ADD1: variants seen among roughly 807,000 people sequenced by gnomAD.
The protein encoded by ADD1 is alpha-adducin.
ADD1 carries 24 observed loss-of-function variants against 80.5 expected under a neutral mutation model. That is an observed-to-expected ratio of 0.30 (90% CI 0.22 to 0.42). ADD1 has a LOEUF of 0.42. ADD1 is among the 10% of genes least tolerant of loss of function. ADD1 has a pLI of 1.00. For synonymous variants in ADD1, 373 were observed against 393.8 expected, an observed-to-expected ratio of 0.95 and a Z score of 0.63; for missense variants, 948 against 1,019.0, an observed-to-expected ratio of 0.93 and a Z score of 0.95.
chr4:2,863,638 C>G (rs1293391526), intron 1 of ADD1, among the ~76,000 whole-genome samples: 1 of 152,176 alleles, frequency 6.6e-6, no homozygotes, highest in Non-Finnish European at 1.5e-5. Flanking sequence ...TGTCTGCTGT[C>G]TGCCAAACAC....
At position 2,856,974 on chromosome 4, in the gene ADD1, G is replaced by A. The variant is rs191297990; in HGVS notation, c.-21+12950G>A. Reference sequence around the variant, plus strand: ...GTCGCCCAGGCTGGAGTGCAGTGGCGGCATCTCAGCTCACTGCAACCTCCA... The same window carrying A: ...GTCGCCCAGGCTGGAGTGCAGTGGCAGCATCTCAGCTCACTGCAACCTCCA... On this transcript the variant is annotated intron_variant, in intron 1 of 15. Coordinates refer to ENST00000683351, the MANE Select transcript of ADD1 (RefSeq NM_001354761.2). Among the ~76,000 whole-genome samples, 549 of 147,936 alleles carry A rather than the reference G, an allele frequency of 3.7e-3. 3 individuals carry two copies. Among genetic ancestry groups the A allele is most frequent in the African/African-American group, 0.013 (526 of 40,040 alleles).
In ADD1 at chr4:2,907,810, C is replaced by T; in HGVS notation, c.1574C>T (p.Thr525Ile). Residue 525 changes from threonine (T) to isoleucine (I), a missense_variant, in exon 11 of 16, where the codon ACT becomes ATT. Thr to Ile is a moderately conservative substitution (Grantham distance 89). Coordinates refer to ENST00000683351, the MANE Select transcript of ADD1 (RefSeq NM_001354761.2). ...AVPNLFVPLNTNPKEVQEMRN... is the reference protein window; with the variant it reads ...AVPNLFVPLNINPKEVQEMRN... ...CCTAACCTGTTTGTTCCATTGAACA[C>T]TAACCCAAAAGAGGTCCAGGAGATG... 6.2e-7 allele frequency: 1 copy of T among 1,614,104 alleles called. No individual in the cohort carries two copies. The highest frequency in any genetic ancestry group is 8.5e-7 in the Non-Finnish European group (1 of 1,180,010).
rs1735797661 is a variant in ADD1, at chr4:2,899,392, G to T, written c.1118G>T (p.Gly373Val). ...GTGSPPKWQI[G>V]EQEFEALMRM... ...GGATCGCCTCCCAAGTGGCAGATTGGTGAGCAGGAATTTGAAGCCCTCATG... is the reference window on the plus strand; with the variant it reads ...GGATCGCCTCCCAAGTGGCAGATTGTTGAGCAGGAATTTGAAGCCCTCATG... Residue 373 changes from glycine (G) to valine (V), a missense_variant, in exon 9 of 16, where the codon GGT becomes GTT. Gly to Val is a moderately radical substitution (Grantham distance 109). Coordinates refer to ENST00000683351, the MANE Select transcript of ADD1 (RefSeq NM_001354761.2). The T allele has an allele frequency of 6.2e-7, 1 of 1,614,116 alleles. No individual in the cohort carries two copies. Among genetic ancestry groups the T allele is most frequent in the Non-Finnish European group, 8.5e-7 (1 of 1,180,052 alleles).
intron 13 of ADD1, among the ~76,000 whole-genome samples, chr4:2,914,058 CAA>C (rs775339952): frequency 7.5e-5 from 9 of 120,522 alleles, no homozygotes; most frequent in Admixed American, 8.5e-5. Context: ...GACTCCGTCT[CAA>C]AAAAAAAAAA....
intron 1 of ADD1, among the ~76,000 whole-genome samples, chr4:2,871,354 G>A (rs1342650504): frequency 6.6e-6 from 1 of 152,108 alleles, no homozygotes; most frequent in African/African-American, 2.4e-5. Context: ...GAACTGAAGG[G>A]GAAATATGAT....
chr4:2,898,128 T>TC (rs1177795346), intron 6 of ADD1, 56 bp from the exon 7 acceptor site: 1 of 1,548,058 alleles, frequency 6.5e-7, no homozygotes, highest in African/African-American at 1.4e-5. Flanking sequence ...TACCATATCA[T>TC]CAGTCATTGT....
At chr4:2,903,997 T>C (rs188470423) in intron 9 of ADD1, among the ~76,000 whole-genome samples, 1 of 152,340 alleles carries the variant, frequency 6.6e-6, no homozygotes. Flanking sequence ...TCATGAGGTA[T>C]ACTTACTTAC....
intron 1 of ADD1, among the ~76,000 whole-genome samples, chr4:2,860,557 A>G (rs1391338383): frequency 1.3e-5 from 2 of 152,208 alleles, no homozygotes; most frequent in African/African-American, 4.8e-5. Flanking sequence ...CCAAAATGTT[A>G]GATCTGGAAA....
In ADD1 at chr4:2,928,250, T is replaced by A; in HGVS notation, c.2127T>A (p.Asp709Glu). Residue 709 changes from aspartate to glutamate, a missense_variant, in exon 16 of 16, where the codon GAT (aspartate) becomes GAA (glutamate). Coordinates refer to ENST00000683351, the MANE Select transcript of ADD1 (RefSeq NM_001354761.2). ...FKPTLPDLSP[D>E]EPSEALGFPM... ...CAACTCTCCCCGATCTGTCCCCTGA[T>A]GAACCTTCAGAAGCACTCGGCTTCC... 2 of 1,614,092 alleles carry A rather than the reference T, an allele frequency of 1.2e-6. No homozygotes were observed. Among genetic ancestry groups the A allele is most frequent in the Non-Finnish European group, 1.7e-6 (2 of 1,180,010 alleles).
intron 14 of ADD1, among the ~76,000 whole-genome samples, chr4:2,918,527 G>A (rs186912772): frequency 2.9e-3 from 436 of 152,166 alleles, no homozygotes; most frequent in Non-Finnish European, 4.5e-3. Flanking sequence ...CCTGATTGCC[G>A]TGGCCAGAAC....
At chr4:2,919,785 C>T (rs548451846) in intron 14 of ADD1, among the ~76,000 whole-genome samples, 10 of 152,092 alleles carry the variant, frequency 6.6e-5, no homozygotes, top group Admixed American at 5.2e-4. Flanking sequence ...TTAAAAAAAA[C>T]CAGCTCCTGG....
intron 4 of ADD1, among the ~76,000 whole-genome samples, chr4:2,889,484 A>T (rs2048601139): frequency 6.6e-6 from 1 of 152,198 alleles, no homozygotes; most frequent in African/African-American, 2.4e-5. Context: ...GAAAAGATGG[A>T]TAAATTTGTC....
intron 4 of ADD1, among the ~76,000 whole-genome samples, chr4:2,887,193 A>G (rs947359528): frequency 3.3e-5 from 5 of 152,174 alleles, no homozygotes; most frequent in African/African-American, 1.2e-4. Flanking sequence ...TTAAGGAAGA[A>G]AGGTTTTGGT....
intron 4 of ADD1, among the ~76,000 whole-genome samples, chr4:2,888,763 G>A (rs1360132393): frequency 6.6e-6 from 1 of 152,048 alleles, no homozygotes; most frequent in Non-Finnish European, 1.5e-5. Flanking sequence ...GCAGTAGATA[G>A]GAAATGGCTC....
At chr4:2,863,966 G>C (rs750528503) in intron 1 of ADD1, among the ~76,000 whole-genome samples, 7 of 152,194 alleles carry the variant, frequency 4.6e-5, no homozygotes, top group Non-Finnish European at 8.8e-5. Context: ...TTGGAGTGGA[G>C]ACCATGTGGG....
intron 2 of ADD1, chr4:2,881,542 C>T: frequency 5.9e-6 from 1 of 170,150 alleles, no homozygotes; most frequent in Non-Finnish European, 1.2e-5. Context: ...GTAGAATTCC[C>T]AGTGTATTTG....
chr4:2,915,826 A>G (rs1243474461), intron 14 of ADD1, among the ~76,000 whole-genome samples: 1 of 152,094 alleles, frequency 6.6e-6, no homozygotes, highest in Non-Finnish European at 1.5e-5. Context: ...AGAAATTGCA[A>G]AGTTAGGCAC....
intron 3 of ADD1, among the ~76,000 whole-genome samples, chr4:2,884,101 A>G (rs367901066): frequency 3.7e-4 from 57 of 152,322 alleles, no homozygotes; most frequent in African/African-American, 1.3e-3. Flanking sequence ...CCTTAAAAAC[A>G]CTTTTCTTCT....
chr4:2,854,548 T>A (rs1289132668), intron 1 of ADD1, among the ~76,000 whole-genome samples: 1 of 152,260 alleles, frequency 6.6e-6, no homozygotes, highest in Non-Finnish European at 1.5e-5. Context: ...TTGGTTCATA[T>A]ATGTTGACAG....
Sources: allele counts gnomAD v4.1 joint callset (sites outside exome capture counted in the v4.1 genomes callset), GRCh38; gene constraint gnomAD v4.1.1; transcripts MANE v1.5; gene names NCBI Gene and HGNC (gene_info 2026-07-23, HGNC 2026-07-21).